The following DSCAML1 variants were observed in gnomAD, a reference collection of about 807,000 sequenced individuals.
DSCAML1 encodes the protein DS cell adhesion molecule like 1, also known as cell adhesion molecule DSCAML1.
A neutral mutation model predicts 200.5 loss-of-function variants in DSCAML1; 38 were observed. The observed-to-expected ratio is 0.19, with a 90% CI of 0.15 to 0.25. The LOEUF (loss-of-function observed/expected upper bound fraction) is 0.25, where lower values mean the gene tolerates loss of function less well. Ranked by LOEUF, DSCAML1 falls within the 10% of genes least tolerant of loss-of-function variation. The pLI is 1.00. For synonymous variants in DSCAML1, 1,215 were observed against 1,165.0 expected (o/e 1.04, Z -0.87); for missense variants, 2,223 against 2,858.8 (o/e 0.78, Z 5.07).
intron 3 of DSCAML1, among the ~76,000 whole-genome samples, chr11:117,769,234 T>A (rs1461742902): frequency 5.2e-5 from 2 of 38,482 alleles, no homozygotes; most frequent in Non-Finnish European, 8.8e-5. Context: ...GTATATATTA[T>A]ATATTTTATA....
intron 3 of DSCAML1, among the ~76,000 whole-genome samples, chr11:117,772,192 T>TA (rs1276072335): frequency 6.6e-6 from 1 of 152,126 alleles, no homozygotes; most frequent in East Asian, 1.9e-4. Flanking sequence ...GAATGAGAGC[T>TA]ATGAAAACCC....
intron 14 of DSCAML1, among the ~76,000 whole-genome samples, chr11:117,478,903 T>C (rs1465445901): frequency 6.6e-6 from 1 of 151,942 alleles, no homozygotes; most frequent in Non-Finnish European, 1.5e-5. Flanking sequence ...GTAGCCCTCC[T>C]GCACTCAGAT....
At chr11:117,534,663 G>A (rs1276073197) in intron 3 of DSCAML1, among the ~76,000 whole-genome samples, 1 of 152,182 alleles carries the variant, frequency 6.6e-6, no homozygotes, top group Non-Finnish European at 1.5e-5. Flanking sequence ...CAGACTGAGT[G>A]CAGTGGTGTG....
rs942228835 is a variant in DSCAML1 at position 117,478,913 on chromosome 11, T to C, written c.2785+1530A>G. Among the ~76,000 whole-genome samples the C allele has an allele frequency of 5.3e-5, 8 of 151,966 alleles. No individual in the cohort carries two copies. The South Asian group carries it at 8.3e-4, about 16-fold the overall frequency. On this transcript the variant is annotated intron_variant, in intron 14 of 32. Transcript: ENST00000651296. ...GATCTGTAGCCCTCCTGCACTCAGA[T>C]TGAACTCCTGGGTGGCTTACCGCAA... is the stretch of plus-strand genomic sequence containing the variant.
chr11:117,576,079 C>T (rs2050928974), intron 3 of DSCAML1, among the ~76,000 whole-genome samples: 1 of 152,078 alleles, frequency 6.6e-6, no homozygotes, highest in Admixed American at 6.5e-5. Flanking sequence ...AGGCTCCTGC[C>T]CTATATCTGC....
At chr11:117,557,519 TC>T (rs1458296001) in intron 3 of DSCAML1, among the ~76,000 whole-genome samples, 2 of 152,186 alleles carry the variant, frequency 1.3e-5, no homozygotes, top group African/African-American at 4.8e-5. Context: ...GAGCCCCTCT[TC>T]CTGCCTTTCA....
intron 3 of DSCAML1, among the ~76,000 whole-genome samples, chr11:117,741,189 G>C (rs950191039): frequency 6.6e-6 from 1 of 152,230 alleles, no homozygotes; most frequent in Non-Finnish European, 1.5e-5. Context: ...CCCAGCCAGG[G>C]ACTCTGCTTT....
At chr11:117,457,176 G>A (rs997171722) in intron 19 of DSCAML1, among the ~76,000 whole-genome samples, 75 of 152,204 alleles carry the variant, frequency 4.9e-4, no homozygotes, top group African/African-American at 1.4e-3. Context: ...ATTTACCAGC[G>A]CCTTTTCCAT....
At chr11:117,808,876 A>G (rs959651361) in intron 1 of DSCAML1, among the ~76,000 whole-genome samples, 7 of 152,146 alleles carry the variant, frequency 4.6e-5, no homozygotes, top group African/African-American at 1.2e-4. Context: ...ATTTACACAC[A>G]TGATCTCGTT....
At chr11:117,446,038 T>G (rs2048171104) in intron 20 of DSCAML1, among the ~76,000 whole-genome samples, 1 of 152,172 alleles carries the variant, frequency 6.6e-6, no homozygotes, top group African/African-American at 2.4e-5. Flanking sequence ...TAAATTCAGC[T>G]TCTGTAAAAA....
chr11:117,736,953 A>C (rs1457785236), intron 3 of DSCAML1, among the ~76,000 whole-genome samples: 1 of 152,118 alleles, frequency 6.6e-6, no homozygotes, highest in Non-Finnish European at 1.5e-5. Context: ...GGGGGTAATG[A>C]GACCTAGATT....
intron 16 of DSCAML1, 56 bp from the exon 17 acceptor site, chr11:117,465,238 C>A: frequency 6.3e-7 from 1 of 1,590,116 alleles, no homozygotes; most frequent in Non-Finnish European, 8.6e-7. Context: ...TGAGATGATG[C>A]TCTTAAAACC....
chr11:117,651,394 C>T (rs985506071), intron 3 of DSCAML1, among the ~76,000 whole-genome samples: 10 of 152,194 alleles, frequency 6.6e-5, no homozygotes, highest in African/African-American at 2.2e-4. Flanking sequence ...GGCTACATCT[C>T]CAGCAAATAT....
chr11:117,433,096 C>A lies in DSCAML1; in HGVS notation c.5026+42G>T, dbSNP rs775257032. On this transcript the variant is annotated intron_variant, in intron 29 of 32. Transcript: ENST00000651296. ...TTCCATGGGTTGTAGCCTGGGGAAGCACACCCAGCAGGACAGGGAACTTGT... is the reference window on the plus strand; with the variant it reads ...TTCCATGGGTTGTAGCCTGGGGAAGAACACCCAGCAGGACAGGGAACTTGT... The A allele has an allele frequency of 2.6e-6, 4 of 1,560,698 alleles. No individual in the cohort carries two copies. The South Asian group carries it at 4.5e-5, about 17-fold the overall frequency.
chr11:117,769,443 A>ATATATTTTATATATATAATATATATTT (rs2054986925), intron 3 of DSCAML1, among the ~76,000 whole-genome samples: 1 of 82,662 alleles, frequency 1.2e-5, no homozygotes, highest in African/African-American at 5.9e-5. Context: ...TTTATATAAT[A>ATATATTTTATATATATAATATATATTT]TATATTTTAT....
intron 15 of DSCAML1, among the ~76,000 whole-genome samples, chr11:117,470,469 G>C: frequency 6.6e-6 from 1 of 152,194 alleles, no homozygotes; most frequent in Non-Finnish European, 1.5e-5. Flanking sequence ...CAGCTGCTCG[G>C]GAGGCTGAGG....
At chr11:117,586,867 G>C (rs1181574027) in intron 3 of DSCAML1, among the ~76,000 whole-genome samples, 2 of 152,204 alleles carry the variant, frequency 1.3e-5, no homozygotes, top group Non-Finnish European at 2.9e-5. Flanking sequence ...AGTTTTCAAA[G>C]ACTAAGCCTA....
chr11:117,621,760 T>G (rs537898924), intron 3 of DSCAML1, among the ~76,000 whole-genome samples: 1 of 152,206 alleles, frequency 6.6e-6, no homozygotes, highest in Non-Finnish European at 1.5e-5. Flanking sequence ...CTTATCTATA[T>G]GCAGGAGGCA....
intron 21 of DSCAML1, among the ~76,000 whole-genome samples, chr11:117,441,243 G>T (rs1398744338): frequency 6.6e-6 from 1 of 152,224 alleles, no homozygotes; most frequent in African/African-American, 2.4e-5. Flanking sequence ...GGAGGGGCAG[G>T]CTTGGCAGGA....
Sources: gnomAD v4.1 joint callset for allele counts (sites outside exome capture counted in the v4.1 genomes callset) on GRCh38, gnomAD v4.1.1 for gene constraint, MANE v1.5 for transcripts, NCBI Gene and HGNC (gene_info 2026-07-23, HGNC 2026-07-21) for gene names.